Variants in DKK2 observed in about 807,000 individuals in gnomAD.
DKK2 encodes dickkopf Wnt signaling pathway inhibitor 2.
Under a neutral mutation model 28.1 loss-of-function variants are expected in DKK2, and 11 were observed. The observed-to-expected ratio is 0.39, with a 90% CI of 0.25 to 0.65. DKK2 has a LOEUF of 0.65. Ranked by LOEUF, DKK2 falls within the 30% of genes least tolerant of loss-of-function variation. The probability of loss-of-function intolerance (pLI) is 0.47; values close to 1 mark genes in which losing one functional copy is unlikely to be tolerated. For synonymous variants in DKK2, 135 were observed against 126.5 expected (o/e 1.07, Z -0.45); for missense variants, 326 against 335.5 (o/e 0.97, Z 0.22).
intron 1 of DKK2, among the ~76,000 whole-genome samples, chr4:106,976,433 T>C (rs981175653): frequency 1.3e-5 from 2 of 152,232 alleles, no homozygotes; most frequent in Non-Finnish European, 2.9e-5. Context: ...CTGTATTTGG[T>C]GCATATATAT....
intron 1 of DKK2, among the ~76,000 whole-genome samples, chr4:106,961,363 A>G (rs938769336): frequency 3.9e-5 from 6 of 152,102 alleles, no homozygotes; most frequent in African/African-American, 1.4e-4. Flanking sequence ...AAAGTTGGAA[A>G]ACTTTAATAT....
At chr4:106,938,691 A>G (rs1368581941) in intron 1 of DKK2, among the ~76,000 whole-genome samples, 1 of 152,180 alleles carries the variant, frequency 6.6e-6, no homozygotes, top group Non-Finnish European at 1.5e-5. Context: ...TCCTTGATGA[A>G]CATTGATGCA....
At chr4:106,986,014 T>C (rs1723114918) in intron 1 of DKK2, among the ~76,000 whole-genome samples, 1 of 152,086 alleles carries the variant, frequency 6.6e-6, no homozygotes, top group Non-Finnish European at 1.5e-5. Context: ...CTCCTTGGCA[T>C]CACCACTTAA....
At chr4:106,930,705 C>T (rs74341270) in intron 1 of DKK2, among the ~76,000 whole-genome samples, 3,874 of 152,142 alleles carry the variant, frequency 0.025, 60 homozygotes, top group Non-Finnish European at 0.037. Flanking sequence ...GTAACAATCT[C>T]GGAAGCTTTC....
intron 1 of DKK2, among the ~76,000 whole-genome samples, chr4:106,976,838 G>A (rs1345906548): frequency 2.6e-5 from 4 of 152,104 alleles, no homozygotes; most frequent in Non-Finnish European, 5.9e-5. Flanking sequence ...AAGGGTCGAT[G>A]GTCTTTACAA....
intron 1 of DKK2, among the ~76,000 whole-genome samples, chr4:106,928,685 G>A (rs1724458043): frequency 6.6e-6 from 1 of 152,070 alleles, no homozygotes. Context: ...CAACCGTAAA[G>A]CTTACCTTGT....
intron 1 of DKK2, among the ~76,000 whole-genome samples, chr4:106,997,961 A>G (rs1210084594): frequency 6.6e-6 from 1 of 152,196 alleles, no homozygotes; most frequent in African/African-American, 2.4e-5. Flanking sequence ...GACATAATGG[A>G]GAACATGTGC....
At position 106,981,753 on chromosome 4, in the gene DKK2, A is replaced by T. The variant is rs575046434; in HGVS notation, c.222+53617T>A. On this transcript the variant is annotated intron_variant, in intron 1 of 3. Coordinates refer to ENST00000285311, the MANE Select transcript of DKK2 (RefSeq NM_014421.3). Reference sequence around the variant, plus strand: ...ATGCTACTCAAGGGTGCTTTTCATGATCCTTCCAGAGAAAAGGAATTTTTC... The same window carrying T: ...ATGCTACTCAAGGGTGCTTTTCATGTTCCTTCCAGAGAAAAGGAATTTTTC... Among the ~76,000 whole-genome samples the T allele has an allele frequency of 7.2e-5, 11 of 152,230 alleles. No homozygotes were observed. In the East Asian group the frequency reaches 1.3e-3, roughly 19 times the overall value.
intron 1 of DKK2, among the ~76,000 whole-genome samples, chr4:106,943,117 A>G (rs1334633643): frequency 1.3e-5 from 2 of 152,144 alleles, no homozygotes; most frequent in African/African-American, 4.8e-5. Context: ...TTTGGAGATT[A>G]TATCAACTGA....
rs540620849 is a variant in DKK2 at position 107,008,943 on chromosome 4, A to G, written c.222+26427T>C. Among the ~76,000 whole-genome samples, 15 of 152,016 alleles carry G rather than the reference A, an allele frequency of 9.9e-5. 1 individual carries two copies. Among genetic ancestry groups the G allele is most frequent in the Admixed American group, 7.2e-4 (11 of 15,252 alleles). On this transcript the variant is annotated intron_variant, in intron 1 of 3. Transcript: ENST00000285311. ...ATCAAAACTAGATTATCTAACAGAA[A>G]TATCAGTTCCTTACTCTATGATCAG...
intron 1 of DKK2, among the ~76,000 whole-genome samples, chr4:106,992,608 A>G (rs1195858608): frequency 6.6e-6 from 1 of 152,250 alleles, no homozygotes; most frequent in Non-Finnish European, 1.5e-5. Context: ...AAAACTTCTC[A>G]GAGCTTTTAC....
chr4:106,927,699 C>T (rs774034749), intron 1 of DKK2, among the ~76,000 whole-genome samples: 14 of 152,098 alleles, frequency 9.2e-5, no homozygotes, highest in East Asian at 1.9e-4. Flanking sequence ...TATCCCTTCC[C>T]GCCTTACCAC....
In DKK2 at chr4:106,981,123, A is replaced by G. The variant is rs868819855; in HGVS notation, c.222+54247T>C. Reference sequence around the variant, plus strand: ...GTTTAAAGTGTTGATTGACTTTGCTATTAAATCATTAGAGGTCAACCTATA... The same window carrying G: ...GTTTAAAGTGTTGATTGACTTTGCTGTTAAATCATTAGAGGTCAACCTATA... On this transcript the variant is annotated intron_variant, in intron 1 of 3. Transcript: ENST00000285311. 5.3e-5 allele frequency among the ~76,000 whole-genome samples: 8 copies of G among 152,138 alleles called. 1 individual carries two copies. In the South Asian group the frequency reaches 1.2e-3, roughly 24 times the overall value.
intron 1 of DKK2, among the ~76,000 whole-genome samples, chr4:107,002,957 T>A (rs1057470839): frequency 6.6e-6 from 1 of 152,152 alleles, no homozygotes; most frequent in Non-Finnish European, 1.5e-5. Flanking sequence ...TAGCATTAGG[T>A]AATTCAACAC....
At chr4:106,943,973 C>T (rs1015907373) in intron 1 of DKK2, among the ~76,000 whole-genome samples, 4 of 152,022 alleles carry the variant, frequency 2.6e-5, no homozygotes, top group African/African-American at 9.7e-5. Context: ...TGTCTTTGCC[C>T]TTGTCACTAA....
chr4:106,972,972 G>A (rs1722890520), intron 1 of DKK2, among the ~76,000 whole-genome samples: 1 of 152,092 alleles, frequency 6.6e-6, no homozygotes, highest in African/African-American at 2.4e-5. Flanking sequence ...TCCTACTTAT[G>A]AGTGAGAACA....
At position 106,924,146 on chromosome 4, in the gene DKK2, A is replaced by G. The variant is rs774728732; in HGVS notation, c.588T>C (p.Ala196=). The G allele has an allele frequency of 6.2e-7, 1 of 1,614,008 alleles. No individual in the cohort carries two copies. The highest frequency in any genetic ancestry group is 1.7e-5 in the Admixed American group (1 of 59,992). The change falls in exon 4 of 4, where the codon GCT becomes GCC. Residue 196 remains alanine, a synonymous_variant. Coordinates refer to ENST00000285311, the MANE Select transcript of DKK2 (RefSeq NM_014421.3). ...TGCAGATTTTGGTCCAGAAATGACG[A>G]GCACAGCAAAACCCTTCAATGCAGT... ...SSDCIEGFCC[A]RHFWTKICKP...
At chr4:107,025,863 A>G (rs1037128776) in intron 1 of DKK2, among the ~76,000 whole-genome samples, 3 of 152,212 alleles carry the variant, frequency 2.0e-5, no homozygotes, top group African/African-American at 7.2e-5. Flanking sequence ...ATCTCCCACC[A>G]GGTAGTTAAT....
intron 1 of DKK2, among the ~76,000 whole-genome samples, chr4:106,942,462 C>T (rs1046465669): frequency 6.6e-6 from 1 of 152,080 alleles, no homozygotes; most frequent in African/African-American, 2.4e-5. Flanking sequence ...GGCCCTTATT[C>T]ATTACTCAGG....
Sources: allele counts gnomAD v4.1 joint callset (sites outside exome capture counted in the v4.1 genomes callset), GRCh38; gene constraint gnomAD v4.1.1; transcripts MANE v1.5; gene names NCBI Gene and HGNC (gene_info 2026-07-23, HGNC 2026-07-21).